The following WSCD1 variants were observed in gnomAD, a reference collection of about 807,000 sequenced individuals.
WSCD1 encodes WSC domain sialate O sulfotransferase 1.
Under a neutral mutation model 60.4 loss-of-function variants are expected in WSCD1, and 41 were observed. The observed-to-expected ratio is 0.68, with a 90% CI of 0.53 to 0.88. WSCD1 has a LOEUF of 0.88. Ranked by LOEUF, WSCD1 falls within the 40% of genes least tolerant of loss-of-function variation. The pLI is 0.00. For missense variants in WSCD1, 784 were observed against 796.2 expected (o/e 0.98, Z 0.18); for synonymous variants, 361 against 332.5 (o/e 1.09, Z -0.93).
intron 4 of WSCD1, among the ~76,000 whole-genome samples, chr17:6,093,740 C>T (rs563962976): frequency 3.9e-5 from 6 of 152,330 alleles, no homozygotes; most frequent in Non-Finnish European, 5.9e-5. Context: ...ATACATTGTT[C>T]CTCATGACAA....
At chr17:6,070,868 G>T (rs1424052487) in intron 1 of WSCD1, among the ~76,000 whole-genome samples, 14 of 134,214 alleles carry the variant, frequency 1.0e-4, no homozygotes, top group Non-Finnish European at 1.8e-4. Context: ...GCGTGCAGGG[G>T]TTGTGGGGGG....
rs1292080461 is a variant in WSCD1 at position 6,110,137 on chromosome 17, C to G, written c.1009+371C>G. 6.6e-6 allele frequency among the ~76,000 whole-genome samples: 1 copy of G among 152,100 alleles called. No homozygotes were observed. The highest frequency in any genetic ancestry group is 1.5e-5 in the Non-Finnish European group (1 of 68,016). Reference sequence around the variant, plus strand: ...GAGCTGCAGGGGCCACTGGTGCCTCCAGGACCTGGGAACCCTCCTTGGTGT... The same window carrying G: ...GAGCTGCAGGGGCCACTGGTGCCTCGAGGACCTGGGAACCCTCCTTGGTGT... On this transcript the variant is annotated intron_variant, in intron 6 of 8. Transcript: ENST00000317744. This position sits in a 1 kb window ranked among gnomAD's most constrained non-coding sequence, Gnocchi z 4.8.
At chr17:6,077,696 C>T (rs1389511634) in intron 1 of WSCD1, among the ~76,000 whole-genome samples, 1 of 152,184 alleles carries the variant, frequency 6.6e-6, no homozygotes, top group Non-Finnish European at 1.5e-5. Context: ...ATATCCAAAT[C>T]CTATCTAGAA....
rs143448373 is a variant in WSCD1 at position 6,115,719 on chromosome 17, C to T, written c.1175-2269C>T. Among the ~76,000 whole-genome samples, 26 of 152,190 alleles carry T rather than the reference C, an allele frequency of 1.7e-4. No individual in the cohort carries two copies. The East Asian group carries it at 4.3e-3, about 25-fold the overall frequency. On this transcript the variant is annotated intron_variant, in intron 7 of 8. Coordinates refer to ENST00000317744, the MANE Select transcript of WSCD1 (RefSeq NM_015253.2). The stretch of plus-strand genomic sequence containing the variant: ...AAGCGATTCTCCTGTCTCAGCCTCC[C>T]GAGTAGCTAGAAATACAGGCACCTG...
At position 6,070,398 on chromosome 17, in the gene WSCD1, C is replaced by CGCCCGCCCGCT. The variant is rs1017350603; in HGVS notation, c.-534_-524dup. 6 of 146,680 alleles carry CGCCCGCCCGCT rather than the reference C, an allele frequency of 4.1e-5. No individual in the cohort carries two copies. The highest frequency in any genetic ancestry group is 2.0e-4 in the East Asian group (1 of 5,044). The allele number at this position is 146,680 out of a possible 1,614,324, so 9.1% of individuals were successfully genotyped here. On this transcript the variant is annotated 5_prime_UTR_variant, in exon 1 of 9. Coordinates refer to ENST00000317744, the MANE Select transcript of WSCD1 (RefSeq NM_015253.2). Reference sequence around the variant, plus strand: ...GCATGTGCAGAGCCCGGCGCCCGCTCGCCCGCCCGCTGCCCGCCCCGGCTC... The same window carrying CGCCCGCCCGCT: ...GCATGTGCAGAGCCCGGCGCCCGCTCGCCCGCCCGCTGCCCGCCCGCTGCCCGCCCCGGCTC...
chr17:6,085,956 A>G (rs1909609937), intron 2 of WSCD1, among the ~76,000 whole-genome samples: 1 of 152,112 alleles, frequency 6.6e-6, no homozygotes, highest in Non-Finnish European at 1.5e-5. Flanking sequence ...GGAGGGCAGT[A>G]GCATGTGCCT....
intron 1 of WSCD1, among the ~76,000 whole-genome samples, chr17:6,079,087 G>A (rs1263032511): frequency 6.6e-6 from 1 of 152,212 alleles, no homozygotes; most frequent in African/African-American, 2.4e-5. Flanking sequence ...GAGGGCCTCG[G>A]AACCTGGCGG....
rs532956697 is a variant in WSCD1 at position 6,108,958 on chromosome 17, C to A, written c.850-649C>A. Among the ~76,000 whole-genome samples the A allele has an allele frequency of 1.8e-4, 28 of 152,346 alleles. 1 individual carries two copies. The South Asian group carries it at 5.4e-3, about 29-fold the overall frequency. ...GGAACAAAGTCTGTTCTTCTCCACC[C>A]CTTCCATCTTTGGAAAGATGACTGT... On this transcript the variant is annotated intron_variant, in intron 5 of 8. Transcript: ENST00000317744.
rs756669783 is a variant in WSCD1 at position 6,122,633 on chromosome 17, G to C, written c.*1972G>C. On this transcript the variant is annotated 3_prime_UTR_variant, in exon 9 of 9. Transcript: ENST00000317744. ...AAAGCAATGTCAGGCGTGGCAGTGG[G>C]GAAGCCATGGAGGCTGGGAAGGGCA... The C allele has an allele frequency of 6.5e-6, 1 of 152,706 alleles. No individual in the cohort carries two copies. The highest frequency in any genetic ancestry group is 1.5e-5 in the Non-Finnish European group (1 of 68,480). 9.5% of individuals were successfully genotyped at this position (152,706 alleles called of 1,614,324 possible). A position where few individuals can be genotyped will look rare whatever the true frequency, so the allele number is the denominator to read the frequency against.
rs146617432 is a variant in WSCD1, at chr17:6,120,316, G to A, written c.1383G>A (p.Pro461=). Residue 461 remains proline (P), a synonymous_variant, in exon 9 of 9, where the codon CCG becomes CCA. Transcript: ENST00000317744. ...CTCCTGTCCTCACTCTAGAGTGGCCGGACTTTGTCAACAGCTACGCCTCGT... is the reference window on the plus strand; with the variant it reads ...CTCCTGTCCTCACTCTAGAGTGGCCAGACTTTGTCAACAGCTACGCCTCGT... ...ADRNWKSKEW[P]DFVNSYASWW... 2.1e-5 allele frequency: 34 copies of A among 1,613,242 alleles called. No homozygotes were observed. Among genetic ancestry groups the A allele is most frequent in the African/African-American group, 5.3e-5 (4 of 74,942 alleles).
chr17:6,107,920 T>G (rs555733889), intron 5 of WSCD1, among the ~76,000 whole-genome samples: 1 of 152,166 alleles, frequency 6.6e-6, no homozygotes, highest in Non-Finnish European at 1.5e-5. Context: ...ATGGGTCTAG[T>G]TGGACGTACT....
chr17:6,122,262 G>C lies in WSCD1; in HGVS notation c.*1601G>C, dbSNP rs1398253205. ...GGCCCAGTAGAGCTGCCCTTCCCCA[G>C]ATGGAAGCTTCCTCCAACCTTCAGT... On this transcript the variant is annotated 3_prime_UTR_variant, in exon 9 of 9. Transcript: ENST00000317744. The C allele has an allele frequency of 2.0e-5, 3 of 152,242 alleles. No individual in the cohort carries two copies. The highest frequency in any genetic ancestry group is 4.4e-5 in the Non-Finnish European group (3 of 68,078). 9.4% of individuals were successfully genotyped at this position (152,242 alleles called of 1,614,324 possible).
Position 6,120,343 on chromosome 17 carries a change from G to A in WSCD1, c.1410G>A (p.Trp470Ter). The A allele has an allele frequency of 1.2e-6, 2 of 1,614,076 alleles. No homozygotes were observed. Among genetic ancestry groups the A allele is most frequent in the Non-Finnish European group, 1.7e-6 (2 of 1,180,002 alleles). The change falls in exon 9 of 9, where the codon TGG (tryptophan) becomes TGA (stop). Residue 470 changes from tryptophan (W) to a stop codon, truncating the protein, a stop_gained. Coordinates refer to ENST00000317744, the MANE Select transcript of WSCD1 (RefSeq NM_015253.2). LOFTEE classifies it high-confidence loss of function. ...ACTTTGTCAACAGCTACGCCTCGTG[G>A]TGGTCCTCGCACGTCCTGGACTGGC... ...WPDFVNSYAS[W>*]WSSHVLDWLK...
At chr17:6,078,288 C>T (rs537764227) in intron 1 of WSCD1, among the ~76,000 whole-genome samples, 1 of 152,340 alleles carries the variant, frequency 6.6e-6, no homozygotes, top group South Asian at 2.1e-4. Context: ...AGATTACAGA[C>T]TTTGGAGGGT....
At chr17:6,078,461 A>G (rs1909006894) in intron 1 of WSCD1, among the ~76,000 whole-genome samples, 1 of 152,166 alleles carries the variant, frequency 6.6e-6, no homozygotes, top group Admixed American at 6.5e-5. Context: ...TTGATAAGTG[A>G]AGAGGAAGGA....
At position 6,123,562 on chromosome 17, in the gene WSCD1, T is replaced by C. The variant is rs1266284853; in HGVS notation, c.*2901T>C. On this transcript the variant is annotated 3_prime_UTR_variant, in exon 9 of 9. Coordinates refer to ENST00000317744, the MANE Select transcript of WSCD1 (RefSeq NM_015253.2). The stretch of plus-strand genomic sequence containing the variant: ...TGCATTCTCCCCTTAAAAGTAGCAG[T>C]AGCCACTTGGTTCTTAGGGGGCCCC... 6.6e-6 allele frequency: 1 copy of C among 152,208 alleles called. No individual in the cohort carries two copies. Among genetic ancestry groups the C allele is most frequent in the Admixed American group, 6.5e-5 (1 of 15,288 alleles). The allele number at this position is 152,208 out of a possible 1,614,324, so 9.4% of individuals were successfully genotyped here.
chr17:6,080,384 G>A lies in WSCD1; in HGVS notation c.-275G>A, dbSNP rs554150551. On this transcript the variant is annotated 5_prime_UTR_variant, in exon 2 of 9. Transcript: ENST00000317744. The surrounding 1 kb of genome is among the most constrained non-coding windows in gnomAD (Gnocchi z 6.6). Reference sequence around the variant, plus strand: ...TCCACCTTCCAGATTTCTGCGCCAGGAGATGAGGGGCGGTAGAGCCCTGGA... The same window carrying A: ...TCCACCTTCCAGATTTCTGCGCCAGAAGATGAGGGGCGGTAGAGCCCTGGA... 4.9e-5 allele frequency: 24 copies of A among 485,844 alleles called. No individual in the cohort carries two copies. The South Asian group carries it at 6.1e-4, about 12-fold the overall frequency. The allele number at this position is 485,844 out of a possible 1,614,324, so 30.1% of individuals were successfully genotyped here. A position where few individuals can be genotyped will look rare whatever the true frequency, so the allele number is the denominator to read the frequency against.
At chr17:6,069,289 TC>T (rs900883222), upstream of WSCD1, 1 of 398,626 alleles carries the variant, frequency 2.5e-6, no homozygotes, top group Non-Finnish European at 4.4e-6. Flanking sequence ...AGGGTGGGGC[TC>T]CTCCCTGGGA....
intron 2 of WSCD1, among the ~76,000 whole-genome samples, chr17:6,086,011 G>A (rs959340820): frequency 2.6e-5 from 4 of 152,070 alleles, no homozygotes; most frequent in Non-Finnish European, 4.4e-5. Context: ...AGATGAAGGT[G>A]ACCTCAAGAG....
Sources: allele counts gnomAD v4.1 joint callset (sites outside exome capture counted in the v4.1 genomes callset), GRCh38; gene constraint gnomAD v4.1.1; non-coding constraint Gnocchi (gnomAD v3.1); transcripts MANE v1.5; gene names NCBI Gene and HGNC (gene_info 2026-07-23, HGNC 2026-07-21).